SH3KBP1: variants seen among roughly 807,000 people sequenced by gnomAD.
SH3KBP1 encodes SH3 domain containing kinase binding protein 1.
Under a neutral mutation model 50.1 loss-of-function variants are expected in SH3KBP1, and 8 were observed. That is an observed-to-expected ratio of 0.16 (90% CI 0.09 to 0.29). The LOEUF (loss-of-function observed/expected upper bound fraction) is 0.29, where lower values mean the gene tolerates loss of function less well. SH3KBP1 is among the 10% of genes least tolerant of loss of function. The pLI, the probability that SH3KBP1 is intolerant of heterozygous loss-of-function variation, is 1.00. For missense variants in SH3KBP1, 377 were observed against 535.2 expected (o/e 0.70, Z 2.92); for synonymous variants, 227 against 218.6 (o/e 1.04, Z -0.34).
chrX:19,885,762 G>A (rs1264263569), intron 1 of SH3KBP1, among the ~76,000 whole-genome samples: 1 of 111,375 alleles, frequency 9.0e-6, no homozygotes, highest in Admixed American at 9.5e-5. Flanking sequence ...GGCCTGTAAG[G>A]TTTAAAGTAT....
chrX:19,789,811 AG>A (rs1230256382), intron 2 of SH3KBP1, among the ~76,000 whole-genome samples: 1 of 110,191 alleles, frequency 9.1e-6, no homozygotes, highest in Admixed American at 9.7e-5. Flanking sequence ...TTGACCCCAG[AG>A]GCCATTTTCC....
At chrX:19,820,603 A>C (rs2067496857) in intron 2 of SH3KBP1, among the ~76,000 whole-genome samples, 1 of 111,134 alleles carries the variant, frequency 9.0e-6, no homozygotes, top group Non-Finnish European at 1.9e-5. Flanking sequence ...AATATATTTG[A>C]AGTGAGTTTC....
At chrX:19,763,215 G>A (rs12010076) in intron 2 of SH3KBP1, among the ~76,000 whole-genome samples, 2,782 of 111,356 alleles carry the variant, frequency 0.025, 90 homozygotes, top group African/African-American at 0.086. Flanking sequence ...TCAACAACTT[G>A]GTGCATCCTT....
In SH3KBP1 at chrX:19,836,161, G is replaced by T; in HGVS notation, c.126C>A (p.Asn42Lys). ...TGTCAGGGAACAAACCTCTCCTGCC[G>T]TTGATCTGTCCCTCCCACCAGCCTC... ...EDGGWWEGQI[N>K]GRRGLFPDNF... Residue 42 changes from asparagine (N) to lysine (K), a missense_variant, in exon 2 of 18, where the codon AAC (asparagine) becomes AAA (lysine). Transcript: ENST00000397821. The T allele has an allele frequency of 8.3e-7, 1 of 1,210,906 alleles. No homozygotes were observed. Among genetic ancestry groups the T allele is most frequent in the African/African-American group, 1.7e-5 (1 of 57,645 alleles).
chrX:19,595,566 T>C (rs2066878220), intron 9 of SH3KBP1, among the ~76,000 whole-genome samples: 1 of 111,102 alleles, frequency 9.0e-6, no homozygotes, highest in Admixed American at 9.5e-5. Flanking sequence ...GAGAGGGATT[T>C]TTTTTGTTGT....
chrX:19,686,422 G>A (rs1362602431), intron 5 of SH3KBP1, among the ~76,000 whole-genome samples: 2 of 111,527 alleles, frequency 1.8e-5, no homozygotes, highest in Admixed American at 9.5e-5. Flanking sequence ...AGTGTGGACT[G>A]TGGACGGGGG....
At chrX:19,660,225 T>C (rs779985466) in intron 6 of SH3KBP1, among the ~76,000 whole-genome samples, 4 of 112,496 alleles carry the variant, frequency 3.6e-5, no homozygotes, top group African/African-American at 6.5e-5. Flanking sequence ...CATAACAATA[T>C]ACATCTCATA....
intron 7 of SH3KBP1, among the ~76,000 whole-genome samples, chrX:19,640,823 G>A (rs1360846124): frequency 2.7e-5 from 3 of 111,897 alleles, no homozygotes; most frequent in African/African-American, 9.8e-5. Context: ...CAACCAATCA[G>A]ATGTTTGCAT....
At chrX:19,867,418 AC>A (rs1016515810) in intron 1 of SH3KBP1, among the ~76,000 whole-genome samples, 1 of 112,016 alleles carries the variant, frequency 8.9e-6, no homozygotes, top group Non-Finnish European at 1.9e-5. Flanking sequence ...AAGATGTCTC[AC>A]GAACCCCCCT....
In SH3KBP1 at chrX:19,837,640, C is replaced by T. The variant is rs193206800; in HGVS notation, c.5-1358G>A. Among the ~76,000 whole-genome samples, 817 of 109,098 alleles carry T rather than the reference C, an allele frequency of 7.5e-3. 3 individuals carry two copies. Among genetic ancestry groups the T allele is most frequent in the Non-Finnish European group, 0.012 (640 of 52,522 alleles). 94.7% of individuals were successfully genotyped at this position (109,098 alleles called of 115,157 possible). A position where few individuals can be genotyped will look rare whatever the true frequency, so the allele number is the denominator to read the frequency against. On this transcript the variant is annotated intron_variant, in intron 1 of 17. Coordinates refer to ENST00000397821, the MANE Select transcript of SH3KBP1 (RefSeq NM_031892.3). ...ATTTTTAGTAGAGACGGGGTTTCAC[C>T]ATGTTGGCCAGGCTGGTCTTGAACT...
chrX:19,664,712 A>G (rs2062552340), intron 6 of SH3KBP1: 1 of 112,161 alleles, frequency 8.9e-6, no homozygotes, highest in Non-Finnish European at 1.9e-5. Context: ...TGATATTGTG[A>G]CAGGTATTGC....
intron 6 of SH3KBP1, among the ~76,000 whole-genome samples, chrX:19,674,739 A>C (rs991897991): frequency 5.4e-5 from 6 of 112,109 alleles, no homozygotes; most frequent in Admixed American, 9.5e-5. Flanking sequence ...ACACAGATAT[A>C]GCAAAATTCA....
At chrX:19,875,695 A>T (rs2069229405) in intron 1 of SH3KBP1, among the ~76,000 whole-genome samples, 1 of 112,538 alleles carries the variant, frequency 8.9e-6, no homozygotes, top group African/African-American at 3.2e-5. Flanking sequence ...GTGGGAGGAG[A>T]CAGAAGCTCC....
chrX:19,805,856 A>G (rs1303314067), intron 2 of SH3KBP1, among the ~76,000 whole-genome samples: 1 of 111,809 alleles, frequency 8.9e-6, no homozygotes, highest in African/African-American at 3.3e-5. Flanking sequence ...TCCTCATCTA[A>G]CATGCAGTCC....
At chrX:19,802,158 C>T (rs1337265425) in intron 2 of SH3KBP1, among the ~76,000 whole-genome samples, 4 of 103,553 alleles carry the variant, frequency 3.9e-5, no homozygotes, top group Non-Finnish European at 6.0e-5. Context: ...TTTGGGAGAC[C>T]CAGGTGGGCG....
At chrX:19,760,509 C>T (rs1020911486) in intron 2 of SH3KBP1, among the ~76,000 whole-genome samples, 11 of 109,865 alleles carry the variant, frequency 1.0e-4, no homozygotes, top group African/African-American at 3.7e-4. Context: ...AGGAACCAGA[C>T]ACAAGTGGGC....
chrX:19,741,825 G>A, intron 3 of SH3KBP1, among the ~76,000 whole-genome samples: 1 of 111,969 alleles, frequency 8.9e-6, no homozygotes, highest in Non-Finnish European at 1.9e-5. Flanking sequence ...GATGCATAGT[G>A]GGCATGCACT....
rs1298819709 is a variant in SH3KBP1 at position 19,827,891 on chromosome X, AAAC to A, written c.162+8231_162+8233del. Among the ~76,000 whole-genome samples the A allele has an allele frequency of 1.3e-3, 72 of 57,151 alleles. No individual in the cohort carries two copies. In the African/African-American group the frequency reaches 0.039, roughly 31 times the overall value. The allele number at this position is 57,151 out of a possible 115,157, so 49.6% of individuals were successfully genotyped here. On this transcript the variant is annotated intron_variant, in intron 2 of 17. Transcript: ENST00000397821. ...GTCTGTCATGGTCTGTTAAACAAAA[AAAC>A]AAACAAACAAACAAACAAACAAACA...
chrX:19,799,721 T>C (rs760046148), intron 2 of SH3KBP1: 3 of 1,204,530 alleles, frequency 2.5e-6, no homozygotes, highest in Non-Finnish European at 3.4e-6. Flanking sequence ...TGGCTGTGTC[T>C]GAACTCTGGG....
Sources: gnomAD v4.1 joint callset for allele counts (sites outside exome capture counted in the v4.1 genomes callset) on GRCh38, gnomAD v4.1.1 for gene constraint, MANE v1.5 for transcripts, NCBI Gene and HGNC (gene_info 2026-07-23, HGNC 2026-07-21) for gene names.